HDDC2: variants seen among roughly 807,000 people sequenced by gnomAD.
HDDC2 encodes the protein 5'-deoxynucleotidase HDDC2.
HDDC2 carries 25 observed loss-of-function variants against 25.5 expected under a neutral mutation model. The ratio of observed to expected loss-of-function variants is 0.98; its 90% confidence interval spans 0.72 to 1.37. The LOEUF (loss-of-function observed/expected upper bound fraction) is 1.37, where lower values mean the gene tolerates loss of function less well. HDDC2 is among the 40% of genes most tolerant of loss of function. The pLI, the probability that HDDC2 is intolerant of heterozygous loss-of-function variation, is 0.00. For missense variants in HDDC2, 264 were observed against 253.1 expected (o/e 1.04, Z -0.29); for synonymous variants, 106 against 89.7 (o/e 1.18, Z -1.03).
intron 3 of HDDC2, among the ~76,000 whole-genome samples, chr6:125,293,530 C>A (rs1197484659): frequency 1.3e-5 from 2 of 152,148 alleles, no homozygotes; most frequent in Non-Finnish European, 2.9e-5. Flanking sequence ...AGTATCTGAA[C>A]CCTTCAATAG....
At chr6:125,277,539 C>T (rs1029303806) in intron 4 of HDDC2, 1 of 279,278 alleles carries the variant, frequency 3.6e-6, no homozygotes, top group African/African-American at 2.2e-5. Flanking sequence ...AATACCGTGT[C>T]TTCATTTTAA....
chr6:125,295,169 A>G (rs1231675300), intron 3 of HDDC2, among the ~76,000 whole-genome samples: 1 of 152,198 alleles, frequency 6.6e-6, no homozygotes, highest in African/African-American at 2.4e-5. Context: ...GAGCCCTGAC[A>G]CTTCCACTTC....
At chr6:125,299,091 A>C (rs1206257329) in intron 2 of HDDC2, among the ~76,000 whole-genome samples, 2 of 152,302 alleles carry the variant, frequency 1.3e-5, no homozygotes, top group African/African-American at 4.8e-5. Context: ...ATCTCACTTT[A>C]AAAGGCTAAT....
intron 4 of HDDC2, 64 bp downstream of exon 4, chr6:125,292,777 A>C (rs985190392): frequency 7.4e-6 from 9 of 1,214,650 alleles, no homozygotes; most frequent in Non-Finnish European, 7.3e-6. Context: ...AGTCAAGTAC[A>C]ACATCAGGGA....
chr6:125,290,855 T>C (rs184116840), intron 4 of HDDC2, among the ~76,000 whole-genome samples: 1 of 152,358 alleles, frequency 6.6e-6, no homozygotes, highest in Non-Finnish European at 1.5e-5. Flanking sequence ...TTCTCTGTTT[T>C]ATATTTGTTC....
chr6:125,301,703 G>A, intron 1 of HDDC2, 146 bp downstream of exon 1: 3 of 577,352 alleles, frequency 5.2e-6, no homozygotes, highest in Non-Finnish European at 8.6e-6. Flanking sequence ...GGCCGCATCC[G>A]CAGGACTGGG....
At chr6:125,282,030 A>C (rs1416550571) in intron 4 of HDDC2, among the ~76,000 whole-genome samples, 3 of 152,152 alleles carry the variant, frequency 2.0e-5, no homozygotes, top group Non-Finnish European at 4.4e-5. Flanking sequence ...GCCAGAAGAG[A>C]GTGGGGGCCA....
At position 125,277,610 on chromosome 6, in the gene HDDC2, C is replaced by T. The variant is rs533627340; in HGVS notation, c.379-370G>A. The T allele has an allele frequency of 2.4e-4, 40 of 169,440 alleles. No individual in the cohort carries two copies. The East Asian group carries it at 5.1e-3, about 22-fold the overall frequency. The allele number at this position is 169,440 out of a possible 1,614,324, so 10.5% of individuals were successfully genotyped here. A position where few individuals can be genotyped will look rare whatever the true frequency, so the allele number is the denominator to read the frequency against. Reference sequence around the variant, plus strand: ...TATTTTTAACATCAAGCTGATATTTCGTCTTATGCCTCTCAAACCTGTATT... The same window carrying T: ...TATTTTTAACATCAAGCTGATATTTTGTCTTATGCCTCTCAAACCTGTATT... On this transcript the variant is annotated intron_variant, in intron 4 of 5. Transcript: ENST00000398153.
chr6:125,301,583 G>A (rs1445827518), intron 1 of HDDC2, among the ~76,000 whole-genome samples: 1 of 151,346 alleles, frequency 6.6e-6, no homozygotes, highest in Non-Finnish European at 1.5e-5. Flanking sequence ...GAACTGGCGC[G>A]GCTGCAGTGC....
intron 4 of HDDC2, among the ~76,000 whole-genome samples, chr6:125,289,489 A>T (rs575371194): frequency 1.4e-5 from 2 of 140,702 alleles, no homozygotes; most frequent in Admixed American, 7.1e-5. Context: ...AATAAAAAAA[A>T]AAAAATTAAA....
At chr6:125,290,409 C>T (rs1562443826) in intron 4 of HDDC2, among the ~76,000 whole-genome samples, 1 of 152,128 alleles carries the variant, frequency 6.6e-6, no homozygotes, top group Non-Finnish European at 1.5e-5. Context: ...ACTTATGTAC[C>T]AACATTAGAC....
At chr6:125,288,164 T>A (rs1031622941) in intron 4 of HDDC2, among the ~76,000 whole-genome samples, 2 of 152,232 alleles carry the variant, frequency 1.3e-5, no homozygotes, top group African/African-American at 4.8e-5. Flanking sequence ...TGACAGTGTC[T>A]ATGTTCTCAA....
At chr6:125,296,528 T>C (rs1441738660) in intron 3 of HDDC2, among the ~76,000 whole-genome samples, 1 of 152,172 alleles carries the variant, frequency 6.6e-6, no homozygotes, top group Non-Finnish European at 1.5e-5. Flanking sequence ...CATAAAGAAT[T>C]GTTCACCTCC....
chr6:125,281,492 A>G (rs1798456467), intron 4 of HDDC2, among the ~76,000 whole-genome samples: 1 of 152,176 alleles, frequency 6.6e-6, no homozygotes, highest in African/African-American at 2.4e-5. Context: ...AACCAGAATA[A>G]ACAGTTTAGA....
chr6:125,289,597 T>C (rs889853444), intron 4 of HDDC2, among the ~76,000 whole-genome samples: 1 of 152,108 alleles, frequency 6.6e-6, no homozygotes, highest in African/African-American at 2.4e-5. Context: ...TGGAAGTTTA[T>C]CTTTTGCATC....
chr6:125,292,503 T>G (rs910908322), intron 4 of HDDC2, among the ~76,000 whole-genome samples: 1 of 151,926 alleles, frequency 6.6e-6, no homozygotes, highest in Admixed American at 6.6e-5. Context: ...AACCTCAAAG[T>G]GGAGAGGTGG....
Position 125,289,966 on chromosome 6 carries a change from G to A in HDDC2, c.378+2875C>T, listed in dbSNP as rs1014529527. 2.6e-5 allele frequency among the ~76,000 whole-genome samples: 4 copies of A among 152,098 alleles called. No individual in the cohort carries two copies. In the South Asian group the frequency reaches 6.2e-4, roughly 24 times the overall value. On this transcript the variant is annotated intron_variant, in intron 4 of 5. Coordinates refer to ENST00000398153, the MANE Select transcript of HDDC2 (RefSeq NM_016063.3). ...AAAATAAAAATGTTTTTTCTTGGCT[G>A]GGTGAAATGTGATTTCACTTTTTAT...
At chr6:125,280,528 C>T (rs1798441550) in intron 4 of HDDC2, among the ~76,000 whole-genome samples, 2 of 152,348 alleles carry the variant, frequency 1.3e-5, no homozygotes, top group East Asian at 1.9e-4. Flanking sequence ...GTGAAGTCAA[C>T]CTGGGACACT....
chr6:125,286,106 T>C (rs1798530699), intron 4 of HDDC2, among the ~76,000 whole-genome samples: 1 of 152,150 alleles, frequency 6.6e-6, no homozygotes, highest in Non-Finnish European at 1.5e-5. Context: ...GAGAAACTAT[T>C]AATAACATGC....
Sources: gnomAD v4.1 joint callset for allele counts (sites outside exome capture counted in the v4.1 genomes callset) on GRCh38, gnomAD v4.1.1 for gene constraint, MANE v1.5 for transcripts, NCBI Gene and HGNC (gene_info 2026-07-23, HGNC 2026-07-21) for gene names.